SLC24A2: variants seen among roughly 807,000 people sequenced by gnomAD.
The protein encoded by SLC24A2 is sodium/potassium/calcium exchanger 2.
In SLC24A2, 36 loss-of-function variants were observed where a neutral mutation model predicts 62.0. The observed-to-expected ratio is 0.58, with a 90% CI of 0.44 to 0.77. The LOEUF (loss-of-function observed/expected upper bound fraction) is 0.77. SLC24A2 is among the 30% of genes least tolerant of loss of function. The pLI, the probability that SLC24A2 is intolerant of heterozygous loss-of-function variation, is 0.00. For synonymous variants in SLC24A2, 358 were observed against 294.0 expected (o/e 1.22, Z -2.23); for missense variants, 846 against 817.9 (o/e 1.03, Z -0.42).
the SLC24A2 span, among the ~76,000 whole-genome samples, chr9:19,899,779 T>C: frequency 1.3e-5 from 2 of 152,126 alleles, no homozygotes; most frequent in Non-Finnish European, 2.9e-5. Context: ...CTTCACATGA[T>C]GGCAGCAAGG....
chr9:20,003,076 C>A, the SLC24A2 span, among the ~76,000 whole-genome samples: 1 of 152,184 alleles, frequency 6.6e-6, no homozygotes, highest in Non-Finnish European at 1.5e-5. Context: ...ATTTGGCATT[C>A]ATTTTGTTTG....
At chr9:19,867,539 T>C in the SLC24A2 span, among the ~76,000 whole-genome samples, 1 of 152,206 alleles carries the variant, frequency 6.6e-6, no homozygotes, top group East Asian at 1.9e-4. Flanking sequence ...CCTCTTTCAT[T>C]CCTGATTTTG....
chr9:19,844,986 T>A, the SLC24A2 span, among the ~76,000 whole-genome samples: 1 of 151,840 alleles, frequency 6.6e-6, no homozygotes, highest in South Asian at 2.1e-4. Context: ...AGGATTGCCT[T>A]GGCTATTCAG....
chr9:19,575,970 AT>A (rs35609112), intron 6 of SLC24A2, among the ~76,000 whole-genome samples: 40,900 of 151,942 alleles, frequency 0.27, 6,699 homozygotes, highest in African/African-American at 0.47. Context: ...AAGCAGAAAA[AT>A]ATATATATAA....
intron 2 of SLC24A2, among the ~76,000 whole-genome samples, chr9:19,747,385 T>G (rs1044759452): frequency 2.0e-5 from 3 of 152,164 alleles, no homozygotes; most frequent in Admixed American, 2.0e-4. Context: ...ACACACACAA[T>G]TTGCTTGTTT....
chr9:19,724,882 A>G (rs995035646), intron 2 of SLC24A2, among the ~76,000 whole-genome samples: 2 of 152,210 alleles, frequency 1.3e-5, no homozygotes, highest in East Asian at 3.9e-4. Flanking sequence ...AAGGGAGACT[A>G]ATAAGCAAAC....
chr9:20,099,550 G>C, the SLC24A2 span, among the ~76,000 whole-genome samples: 1 of 152,120 alleles, frequency 6.6e-6, no homozygotes, highest in African/African-American at 2.4e-5. Context: ...AAAAAAAGTA[G>C]GTTCCAGGAG....
At chr9:19,951,349 T>G in the SLC24A2 span, among the ~76,000 whole-genome samples, 13 of 152,118 alleles carry the variant, frequency 8.5e-5, no homozygotes, top group Admixed American at 8.5e-4. Context: ...AAAAGTTTTT[T>G]ATTTTTACAA....
chr9:19,962,268 C>T, the SLC24A2 span, among the ~76,000 whole-genome samples: 13 of 152,130 alleles, frequency 8.5e-5, no homozygotes, highest in Admixed American at 5.2e-4. Flanking sequence ...TTACTGTAGC[C>T]TTGTAGTATA....
the SLC24A2 span, among the ~76,000 whole-genome samples, chr9:20,032,729 T>G: frequency 6.6e-6 from 1 of 152,308 alleles, no homozygotes; most frequent in East Asian, 1.9e-4. Flanking sequence ...CATTTTGCCC[T>G]TAGAGTTTCT....
At chr9:19,816,294 C>T in the SLC24A2 span, among the ~76,000 whole-genome samples, 1 of 151,956 alleles carries the variant, frequency 6.6e-6, no homozygotes, top group Non-Finnish European at 1.5e-5. Context: ...CTACTTCAAG[C>T]AGGGGAAAGA....
chr9:19,521,010 C>T lies in SLC24A2; in HGVS notation c.1620G>A (p.Leu540=). Reference sequence around the variant, plus strand: ...GATCAGGGATGGAGGTCCCAGCAGCCAAGATGGTCAGGCCCATAATCTCTT... The same window carrying T: ...GATCAGGGATGGAGGTCCCAGCAGCTAAGATGGTCAGGCCCATAATCTCTT... The part of the protein sequence containing the change: ...ISEEIMGLTI[L]AAGTSIPDLI... Residue 540 remains leucine, a synonymous_variant, in exon 10 of 11, where the codon TTG becomes TTA. Coordinates refer to ENST00000341998, the MANE Select transcript of SLC24A2 (RefSeq NM_020344.4). The T allele has an allele frequency of 1.2e-6, 2 of 1,614,122 alleles. No individual in the cohort carries two copies. The highest frequency in any genetic ancestry group is 8.5e-7 in the Non-Finnish European group (1 of 1,180,004).
At chr9:19,624,945 C>A (rs916987391) in intron 2 of SLC24A2, among the ~76,000 whole-genome samples, 6 of 152,098 alleles carry the variant, frequency 3.9e-5, no homozygotes, top group African/African-American at 1.4e-4. Context: ...GTTACAAATT[C>A]AATTTTAAAG....
At chr9:19,559,015 C>T (rs1835257837) in intron 7 of SLC24A2, among the ~76,000 whole-genome samples, 1 of 152,080 alleles carries the variant, frequency 6.6e-6, no homozygotes, top group Admixed American at 6.6e-5. Context: ...GAAGTCAAGC[C>T]CAAGGCTGTC....
At chr9:20,109,474 T>C in the SLC24A2 span, among the ~76,000 whole-genome samples, 35 of 152,276 alleles carry the variant, frequency 2.3e-4, no homozygotes, top group East Asian at 6.8e-3. Context: ...CTTCTGCAAG[T>C]CTCAAGCTTT....
chr9:20,156,491 C>T, the SLC24A2 span, among the ~76,000 whole-genome samples: 487 of 151,868 alleles, frequency 3.2e-3, 1 homozygote, highest in Non-Finnish European at 5.5e-3. Flanking sequence ...GCCCCACCTT[C>T]CTGCTGGATC....
the SLC24A2 span, among the ~76,000 whole-genome samples, chr9:20,074,547 G>A: frequency 7.6e-6 from 1 of 131,942 alleles, no homozygotes; most frequent in African/African-American, 3.0e-5. Flanking sequence ...AATAGGAAGA[G>A]AAGAAGGCAG....
the SLC24A2 span, among the ~76,000 whole-genome samples, chr9:20,235,446 C>G: frequency 6.7e-6 from 1 of 150,228 alleles, no homozygotes; most frequent in Non-Finnish European, 1.5e-5. Flanking sequence ...GCCCCTCCCC[C>G]AGCCTCGCTG....
the SLC24A2 span, among the ~76,000 whole-genome samples, chr9:20,216,961 C>T: frequency 6.6e-6 from 1 of 151,996 alleles, no homozygotes; most frequent in Non-Finnish European, 1.5e-5. Flanking sequence ...GAAGGTTTGT[C>T]CCAAAAGACT....
Sources: allele counts gnomAD v4.1 joint callset (sites outside exome capture counted in the v4.1 genomes callset), GRCh38; gene constraint gnomAD v4.1.1; transcripts MANE v1.5; gene names NCBI Gene and HGNC (gene_info 2026-07-23, HGNC 2026-07-21).